Variants in ENTHD1 observed in about 807,000 individuals in gnomAD.
ENTHD1 encodes ENTH domain-containing protein 1.
In ENTHD1, 23 loss-of-function variants were observed where a neutral mutation model predicts 39.1. The ratio of observed to expected loss-of-function variants is 0.59; its 90% CI spans 0.42 to 0.83. The LOEUF is 0.83. Ranked by LOEUF, ENTHD1 falls within the 40% of genes least tolerant of loss-of-function variation. The probability of loss-of-function intolerance (pLI) is 0.00; values close to 1 mark genes in which losing one functional copy is unlikely to be tolerated. For synonymous variants in ENTHD1, 230 were observed against 258.2 expected, an observed-to-expected ratio of 0.89 and a Z score of 1.05; for missense variants, 624 against 705.4, an observed-to-expected ratio of 0.88 and a Z score of 1.31.
intron 3 of ENTHD1, among the ~76,000 whole-genome samples, chr22:39,842,702 C>T (rs376366796): frequency 1.3e-5 from 2 of 151,388 alleles, no homozygotes; most frequent in African/African-American, 4.9e-5. Flanking sequence ...ATTTTTGCAA[C>T]CTACTCATCT....
At chr22:39,819,475 T>TA (rs988089550) in intron 5 of ENTHD1, among the ~76,000 whole-genome samples, 50 of 142,444 alleles carry the variant, frequency 3.5e-4, no homozygotes, top group Non-Finnish European at 5.1e-4. Context: ...AATTACCAAG[T>TA]AAAAAAAAAA....
chr22:39,879,462 CAAAA>C (rs34372930), intron 2 of ENTHD1, among the ~76,000 whole-genome samples: 9 of 16,440 alleles, frequency 5.5e-4, no homozygotes, highest in African/African-American at 2.2e-3. Flanking sequence ...GACTCTGTCT[CAAAA>C]AAAAAAAAAA....
chr22:39,878,196 C>A (rs1644498965), intron 2 of ENTHD1, among the ~76,000 whole-genome samples: 1 of 152,098 alleles, frequency 6.6e-6, no homozygotes, highest in Admixed American at 6.5e-5. Context: ...GGAGACTGGA[C>A]ACAGCTGAGG....
intron 5 of ENTHD1, among the ~76,000 whole-genome samples, chr22:39,809,692 T>C (rs144348446): frequency 2.4e-4 from 37 of 152,244 alleles, no homozygotes; most frequent in African/African-American, 8.4e-4. Context: ...GGCACCAGCA[T>C]CTCTGAAGAG....
chr22:39,770,669 G>C (rs1326464834), intron 5 of ENTHD1, among the ~76,000 whole-genome samples: 1 of 152,168 alleles, frequency 6.6e-6, no homozygotes, highest in Non-Finnish European at 1.5e-5. Flanking sequence ...ACAGTGTCTA[G>C]AAAATTGTAG....
At chr22:39,833,986 A>G (rs2065890318) in intron 4 of ENTHD1, among the ~76,000 whole-genome samples, 1 of 151,624 alleles carries the variant, frequency 6.6e-6, no homozygotes, top group East Asian at 1.9e-4. Context: ...TTATCTATAC[A>G]CTTCACACCT....
At chr22:39,794,221 C>T (rs1306772630) in intron 5 of ENTHD1, among the ~76,000 whole-genome samples, 5 of 152,024 alleles carry the variant, frequency 3.3e-5, no homozygotes, top group Non-Finnish European at 5.9e-5. Flanking sequence ...TTTGTAGCTA[C>T]GGTAAACGGG....
chr22:39,752,095 T>C (rs957468433), intron 6 of ENTHD1, among the ~76,000 whole-genome samples: 6 of 152,076 alleles, frequency 3.9e-5, no homozygotes, highest in Admixed American at 2.6e-4. Context: ...CAGATCTCTA[T>C]AGAAGAGAGA....
chr22:39,847,831 G>C (rs1479155870), intron 3 of ENTHD1, among the ~76,000 whole-genome samples: 2 of 152,196 alleles, frequency 1.3e-5, no homozygotes, highest in Non-Finnish European at 2.9e-5. Flanking sequence ...TTGTTCTAAT[G>C]ATGCTATAAC....
chr22:39,745,056 G>C (rs1876800001), intron 6 of ENTHD1, among the ~76,000 whole-genome samples: 1 of 152,180 alleles, frequency 6.6e-6, no homozygotes, highest in Admixed American at 6.5e-5. Flanking sequence ...GTAAAAACAG[G>C]CTTCATAGTC....
chr22:39,786,587 T>G (rs2065460856), intron 5 of ENTHD1, among the ~76,000 whole-genome samples: 1 of 152,162 alleles, frequency 6.6e-6, no homozygotes, highest in Non-Finnish European at 1.5e-5. Flanking sequence ...TGTGCTAAAT[T>G]TTTGAATAAT....
intron 1 of ENTHD1, among the ~76,000 whole-genome samples, chr22:39,892,728 G>A (rs1382460492): frequency 6.6e-6 from 1 of 152,184 alleles, no homozygotes; most frequent in East Asian, 1.9e-4. Context: ...CTGAAAAGAT[G>A]CATTTAAGGT....
intron 6 of ENTHD1, among the ~76,000 whole-genome samples, chr22:39,753,214 T>C (rs755962278): frequency 6.6e-5 from 10 of 152,204 alleles, no homozygotes; most frequent in Non-Finnish European, 1.2e-4. Context: ...TGAACATACT[T>C]ACTATAAATG....
chr22:39,833,776 A>G (rs188394066), intron 4 of ENTHD1, among the ~76,000 whole-genome samples: 45 of 151,962 alleles, frequency 3.0e-4, no homozygotes, highest in African/African-American at 1.1e-3. Context: ...ATGATTGAAG[A>G]AAAATCGAGA....
rs539840456 is a variant in ENTHD1, at chr22:39,795,204, T to A, written c.832+25789A>T. 5.3e-5 allele frequency among the ~76,000 whole-genome samples: 8 copies of A among 152,262 alleles called. No homozygotes were observed. In the East Asian group the frequency reaches 1.5e-3, roughly 29 times the overall value. ...GATTTTTACAACTATGTTCATCAGG[T>A]ATATTAGCCTGTAGTTTTCTTTTTG... On this transcript the variant is annotated intron_variant, in intron 5 of 6. Coordinates refer to ENST00000325157, the MANE Select transcript of ENTHD1 (RefSeq NM_152512.4).
Position 39,765,567 on chromosome 22 carries a change from C to G in ENTHD1, c.875G>C (p.Arg292Thr), listed in dbSNP as rs111738363. Residue 292 changes from arginine to threonine, a missense_variant, in exon 6 of 7, where the codon AGA (arginine) becomes ACA (threonine). Physicochemically the swap from Arg to Thr is moderately conservative, Grantham distance 71. Coordinates refer to ENST00000325157, the MANE Select transcript of ENTHD1 (RefSeq NM_152512.4). ...TLSENSPSGQ[R>T]DVSLDKRSDG... ...TGATCTCTTGTCCAAACTCACATCT[C>G]TCTGCCCAGAAGGACTATTTTCTGA... 159 of 1,613,672 alleles carry G rather than the reference C, an allele frequency of 9.9e-5. 3 individuals carry two copies. In the African/African-American group the frequency reaches 1.4e-3, roughly 14 times the overall value.
rs566620323 is a variant in ENTHD1, at chr22:39,867,204, G to A, written c.350-5197C>T. ...AGGCGTGAGCCACCGCGCCCGGCCC[G>A]AGAAATCTATATACATTTACAGCTG... is the stretch of plus-strand genomic sequence containing the variant. On this transcript the variant is annotated intron_variant, in intron 2 of 6. Coordinates refer to ENST00000325157, the MANE Select transcript of ENTHD1 (RefSeq NM_152512.4). This position sits in a 1 kb window ranked among gnomAD's most constrained non-coding sequence, Gnocchi z 4.5. Among the ~76,000 whole-genome samples the A allele has an allele frequency of 2.1e-4, 32 of 152,180 alleles. No homozygotes were observed. In the South Asian group the frequency reaches 5.6e-3, roughly 27 times the overall value.
In ENTHD1 at chr22:39,861,824, T is replaced by C; in HGVS notation, c.533A>G (p.Asp178Gly). 1 of 1,596,372 alleles carries C rather than the reference T, an allele frequency of 6.3e-7. No individual in the cohort carries two copies. Among genetic ancestry groups the C allele is most frequent in the Non-Finnish European group, 8.6e-7 (1 of 1,168,618 alleles). The change falls in exon 3 of 7, where the codon GAT (aspartate) becomes GGT (glycine). Residue 178 changes from aspartate to glycine, a missense_variant. Transcript: ENST00000325157. ...ATACTTCTTCTCTGAAGCAGAAATA[T>C]CCGGTGTGGGGGCAGAAGTGCACGC... ...LTACTSAPTP[D>G]ISASEKKYKL...
At chr22:39,817,430 T>C (rs2065742209) in intron 5 of ENTHD1, among the ~76,000 whole-genome samples, 2 of 152,202 alleles carry the variant, frequency 1.3e-5, no homozygotes. Context: ...CACCGAAGGA[T>C]AGTCAAGTGA....
Sources: allele counts gnomAD v4.1 joint callset (sites outside exome capture counted in the v4.1 genomes callset), GRCh38; gene constraint gnomAD v4.1.1; non-coding constraint Gnocchi (gnomAD v3.1); transcripts MANE v1.5; gene names NCBI Gene and HGNC (gene_info 2026-07-23, HGNC 2026-07-21).